The following GFM2 variants were observed in gnomAD, a reference collection of about 807,000 sequenced individuals.
GFM2 encodes the protein ribosome-releasing factor 2, mitochondrial.
Under a neutral mutation model 95.4 loss-of-function variants are expected in GFM2, and 72 were observed. The ratio of observed to expected loss-of-function variants is 0.76; its 90% CI spans 0.62 to 0.92. The LOEUF (loss-of-function observed/expected upper bound fraction) is 0.92, where lower values mean the gene tolerates loss of function less well. Ranked by LOEUF, GFM2 falls within the 40% of genes least tolerant of loss-of-function variation. The pLI is 0.00. For missense variants in GFM2, 825 were observed against 924.1 expected (o/e 0.89, Z 1.39); for synonymous variants, 276 against 317.5 (o/e 0.87, Z 1.39).
chr5:74,737,311 A>G (rs1742885658), intron 14 of GFM2, among the ~76,000 whole-genome samples: 1 of 152,208 alleles, frequency 6.6e-6, no homozygotes, highest in African/African-American at 2.4e-5. Flanking sequence ...GAAGTCCATT[A>G]GAGTGTTCTA....
chr5:74,725,486 CAG>C (rs1261103276), intron 19 of GFM2, among the ~76,000 whole-genome samples, 152 bp downstream of exon 19: 2 of 152,106 alleles, frequency 1.3e-5, no homozygotes, highest in Non-Finnish European at 2.9e-5. Context: ...ATTAAGAAAT[CAG>C]AGATTCTCCA....
chr5:74,763,903 C>A, intron 1 of GFM2, 137 bp from the exon 2 acceptor site: 8 of 502,140 alleles, frequency 1.6e-5, no homozygotes, highest in Non-Finnish European at 1.8e-5. Flanking sequence ...TTTTTAGCTA[C>A]CAAAAATTCA....
At chr5:74,749,572 G>A (rs555268355) in intron 7 of GFM2, among the ~76,000 whole-genome samples, 4 of 152,022 alleles carry the variant, frequency 2.6e-5, no homozygotes, top group South Asian at 4.1e-4. Flanking sequence ...ATTGATTTAT[G>A]GTTCTTCATA....
intron 7 of GFM2, among the ~76,000 whole-genome samples, chr5:74,749,088 C>A (rs1192177000): frequency 6.6e-6 from 1 of 151,758 alleles, no homozygotes; most frequent in Non-Finnish European, 1.5e-5. Flanking sequence ...AGGCTCACTG[C>A]AGCCCCAACC....
intron 15 of GFM2, chr5:74,736,570 GAATAT>G (rs2112255261): frequency 5.8e-6 from 8 of 1,384,650 alleles, no homozygotes; most frequent in Non-Finnish European, 7.5e-6. Context: ...GAGTAAGGAA[GAATAT>G]AATATGAGAA....
At chr5:74,740,350 A>AT (rs1348257351) in intron 11 of GFM2, among the ~76,000 whole-genome samples, 2 of 152,164 alleles carry the variant, frequency 1.3e-5, no homozygotes, top group Non-Finnish European at 2.9e-5. Flanking sequence ...TAAAATCCAT[A>AT]TAAGCATTAC....
chr5:74,733,228 C>T (rs111538497), intron 15 of GFM2, 130 bp from the exon 16 acceptor site: 11 of 617,028 alleles, frequency 1.8e-5, no homozygotes, highest in Admixed American at 4.8e-5. Context: ...TGGTGACTCA[C>T]GTCTGTAATC....
At chr5:74,747,905 G>T in intron 7 of GFM2, 125 bp from the exon 8 acceptor site, 2 of 578,772 alleles carry the variant, frequency 3.5e-6, no homozygotes, top group Non-Finnish European at 6.2e-6. Context: ...GAGAATTAGT[G>T]CAACTGCACT....
intron 19 of GFM2, among the ~76,000 whole-genome samples, chr5:74,724,204 C>T (rs10515189): frequency 0.14 from 21,326 of 152,110 alleles, 1,826 homozygotes; most frequent in African/African-American, 0.21. Flanking sequence ...GAAATGCAGA[C>T]TTTATTTTTA....
Position 74,745,358 on chromosome 5 carries a change from T to C in GFM2, c.849+320A>G, listed in dbSNP as rs974408207. On this transcript the variant is annotated intron_variant, in intron 10 of 20. Transcript: ENST00000296805. ...AGACTCCATCTCAACGAAAAGCAAA[T>C]GAAAGAGAAATATTGAAATAATAAT... Among the ~76,000 whole-genome samples the C allele has an allele frequency of 2.6e-5, 4 of 151,786 alleles. 1 individual carries two copies. In the East Asian group the frequency reaches 5.8e-4, roughly 22 times the overall value.
chr5:74,747,901 TA>T (rs1743471024), intron 7 of GFM2, 121 bp from the exon 8 acceptor site: 1 of 591,922 alleles, frequency 1.7e-6, no homozygotes, highest in Non-Finnish European at 3.0e-6. Context: ...AGCAGAGAAT[TA>T]GTGCAACTGC....
At chr5:74,761,055 T>C in intron 2 of GFM2, 69 bp from the exon 3 acceptor site, 1 of 841,916 alleles carries the variant, frequency 1.2e-6, no homozygotes, top group Non-Finnish European at 2.0e-6. Context: ...GTTAATATTG[T>C]AATTACGCTT....
At chr5:74,741,918 T>C (rs935029556) in intron 10 of GFM2, 5 of 185,514 alleles carry the variant, frequency 2.7e-5, no homozygotes, top group East Asian at 1.3e-4. Context: ...CTTACAATGA[T>C]AGCACATACA....
In GFM2 at chr5:74,738,514, T is replaced by C. The variant is rs752948580; in HGVS notation, c.1208A>G (p.Asn403Ser). 6.2e-7 allele frequency: 1 copy of C among 1,613,116 alleles called. No individual in the cohort carries two copies. Among genetic ancestry groups the C allele is most frequent in the South Asian group, 1.1e-5 (1 of 90,880 alleles). ...AGCTTCTACTTACGTGCAGTTTCCA[T>C]TAATATTATGAATGGCCAACTGGGG... ...IKPQLAIHNI[N>S]GNCTERISRL... Residue 403 changes from asparagine (N) to serine (S), a missense_variant, in exon 13 of 21, where the codon AAT becomes AGT. By Grantham distance (46) the Asn-to-Ser change is conservative (BLOSUM62 1). Coordinates refer to ENST00000296805, the MANE Select transcript of GFM2 (RefSeq NM_032380.5).
chr5:74,733,664 C>T (rs1742687631), intron 15 of GFM2, among the ~76,000 whole-genome samples: 1 of 152,032 alleles, frequency 6.6e-6, no homozygotes, highest in South Asian at 2.1e-4. Context: ...TCTTGTAGGC[C>T]ATGATGAAAA....
intron 6 of GFM2, 46 bp downstream of exon 6, chr5:74,751,322 A>G (rs771414578): frequency 1.3e-6 from 2 of 1,553,614 alleles, no homozygotes; most frequent in Non-Finnish European, 1.7e-6. Context: ...AAACAAAAAA[A>G]CTCCAAATGA....
rs1252891757 is a variant in GFM2, at chr5:74,738,320, G to A, written c.1318C>T (p.His440Tyr). ...GNIALTVGLK[H>Y]TATGDTIVSS... ...AGAGAAATCATTTGGTCACTTACATGTTTAAGCCCAACAGTCAAAGCAATG... is the reference window on the plus strand; with the variant it reads ...AGAGAAATCATTTGGTCACTTACATATTTAAGCCCAACAGTCAAAGCAATG... The change falls in exon 14 of 21, where the codon CAT becomes TAT. Residue 440 changes from histidine to tyrosine, a missense_variant and splice_region_variant. Physicochemically the swap from His to Tyr is moderately conservative, Grantham distance 83. Coordinates refer to ENST00000296805, the MANE Select transcript of GFM2 (RefSeq NM_032380.5). 3 of 1,609,286 alleles carry A rather than the reference G, an allele frequency of 1.9e-6. No homozygotes were observed. The highest frequency in any genetic ancestry group is 2.5e-6 in the Non-Finnish European group (3 of 1,177,218).
chr5:74,722,231 C>T lies in GFM2; in HGVS notation c.2211+148G>A, dbSNP rs1749928110. 1.0e-5 allele frequency: 7 copies of T among 681,506 alleles called. No homozygotes were observed. The South Asian group carries it at 1.4e-4, about 13-fold the overall frequency. 42.2% of individuals were successfully genotyped at this position (681,506 alleles called of 1,614,324 possible). ...CAACAATTTAAATTCAAAGTCCTAA[C>T]CATTCCTGCTGGTTGAAACGAAACT... On this transcript the variant is annotated intron_variant, in intron 20 of 20. Transcript: ENST00000296805.
At chr5:74,724,593 T>G (rs1750065024) in intron 19 of GFM2, among the ~76,000 whole-genome samples, 1 of 152,196 alleles carries the variant, frequency 6.6e-6, no homozygotes, top group African/African-American at 2.4e-5. Flanking sequence ...ATTTAAACTT[T>G]TTTCAAAGCT....
Sources: gnomAD v4.1 joint callset for allele counts (sites outside exome capture counted in the v4.1 genomes callset) on GRCh38, gnomAD v4.1.1 for gene constraint, MANE v1.5 for transcripts, NCBI Gene and HGNC (gene_info 2026-07-23, HGNC 2026-07-21) for gene names.